STX6: variants seen among roughly 807,000 people sequenced by gnomAD.
STX6 encodes syntaxin 6.
STX6 carries 23 observed loss-of-function variants against 38.0 expected under a neutral mutation model. The observed-to-expected ratio is 0.60, with a 90% CI of 0.43 to 0.86. STX6 has a LOEUF of 0.86. Among genes scored for constraint, STX6 ranks in the 40% least tolerant of loss-of-function variants. STX6 has a pLI of 0.00. For missense variants in STX6, 274 were observed against 312.9 expected, an observed-to-expected ratio of 0.88 and a Z score of 0.94; for synonymous variants, 123 against 107.5, an observed-to-expected ratio of 1.14 and a Z score of -0.89.
intron 1 of STX6, among the ~76,000 whole-genome samples, chr1:181,019,353 G>A (rs370039164): frequency 0.019 from 1,971 of 104,690 alleles, 48 homozygotes; most frequent in African/African-American, 0.064. Context: ...AAATACAGAG[G>A]AAAAAAAAAA....
intron 1 of STX6, among the ~76,000 whole-genome samples, chr1:181,009,470 CAAA>C (rs34469966): frequency 1.3e-4 from 14 of 105,414 alleles, no homozygotes; most frequent in Non-Finnish European, 1.9e-4. Flanking sequence ...CTGTTGTTTC[CAAA>C]AAAAAAAAAA....
intron 1 of STX6, 127 bp from the exon 2 acceptor site, chr1:181,005,590 CTTCACAG>C: frequency 1.2e-6 from 1 of 821,624 alleles, no homozygotes; most frequent in South Asian, 2.2e-5. Flanking sequence ...ACAGAAGGCT[CTTCACAG>C]ACAAATATCA....
chr1:180,999,812 A>C (rs1571341261), intron 3 of STX6, among the ~76,000 whole-genome samples: 1 of 151,158 alleles, frequency 6.6e-6, no homozygotes, highest in East Asian at 1.9e-4. Flanking sequence ...TAACAGAAGA[A>C]CTAACATAAA....
intron 1 of STX6, among the ~76,000 whole-genome samples, chr1:181,013,041 G>A (rs915531391): frequency 6.6e-6 from 1 of 151,620 alleles, no homozygotes; most frequent in African/African-American, 2.4e-5. Flanking sequence ...TTTGAAGTTA[G>A]CCCAACATTG....
At chr1:180,999,787 G>A (rs1275764915) in intron 3 of STX6, among the ~76,000 whole-genome samples, 1 of 151,950 alleles carries the variant, frequency 6.6e-6, no homozygotes, top group Non-Finnish European at 1.5e-5. Context: ...TTAAATGAAA[G>A]CCCACTAGTA....
intron 7 of STX6, among the ~76,000 whole-genome samples, chr1:180,977,491 C>T (rs1655289012): frequency 6.6e-6 from 1 of 152,204 alleles, no homozygotes. Flanking sequence ...GTGCAATACC[C>T]AAACCTAGGG....
chr1:181,011,487 A>G (rs1166327644), intron 1 of STX6, among the ~76,000 whole-genome samples: 1 of 152,236 alleles, frequency 6.6e-6, no homozygotes, highest in East Asian at 1.9e-4. Context: ...TTTCTAAAGC[A>G]TGTGGGATTT....
At chr1:180,994,495 G>A (rs770959146) in intron 3 of STX6, among the ~76,000 whole-genome samples, 5 of 152,236 alleles carry the variant, frequency 3.3e-5, no homozygotes, top group East Asian at 1.9e-4. Flanking sequence ...ACATGCCTGA[G>A]TCAGTCACGT....
intron 1 of STX6, among the ~76,000 whole-genome samples, chr1:181,005,939 A>G (rs1194412605): frequency 6.6e-6 from 1 of 152,196 alleles, no homozygotes; most frequent in Non-Finnish European, 1.5e-5. Flanking sequence ...CCATTTTATT[A>G]TAGGTTAAGT....
chr1:181,010,216 T>G (rs1391247191), intron 1 of STX6, among the ~76,000 whole-genome samples: 4 of 152,152 alleles, frequency 2.6e-5, no homozygotes, highest in Admixed American at 1.3e-4. Flanking sequence ...CTTTTTATTG[T>G]AGGTAAATTA....
intron 1 of STX6, among the ~76,000 whole-genome samples, chr1:181,011,188 A>C (rs566224299): frequency 1.3e-5 from 2 of 152,350 alleles, no homozygotes; most frequent in South Asian, 4.1e-4. Context: ...AGACATAAGA[A>C]AGGTAAACTA....
At chr1:181,000,951 C>G (rs897326796) in intron 3 of STX6, among the ~76,000 whole-genome samples, 3 of 148,108 alleles carry the variant, frequency 2.0e-5, no homozygotes, top group Non-Finnish European at 3.0e-5. Context: ...CACCTAACAA[C>G]AAGGCTTCCT....
intron 2 of STX6, among the ~76,000 whole-genome samples, chr1:181,004,616 A>G (rs985301243): frequency 1.3e-5 from 2 of 152,206 alleles, no homozygotes; most frequent in Non-Finnish European, 2.9e-5. Flanking sequence ...CTTTTCTCCC[A>G]TACCTTGCAT....
intron 7 of STX6, among the ~76,000 whole-genome samples, chr1:180,978,495 C>T (rs1040800586): frequency 6.6e-6 from 1 of 152,232 alleles, no homozygotes; most frequent in East Asian, 1.9e-4. Context: ...AGGGGACCCC[C>T]ACACTTCTGT....
chr1:181,019,363 A>AG (rs1187644289), intron 1 of STX6, among the ~76,000 whole-genome samples: 1 of 152,224 alleles, frequency 6.6e-6, no homozygotes, highest in Non-Finnish European at 1.5e-5. Flanking sequence ...GAAAAAAAAA[A>AG]AAAAAACAGT....
intron 4 of STX6, among the ~76,000 whole-genome samples, chr1:180,992,113 A>G (rs1427348461): frequency 6.6e-6 from 1 of 152,102 alleles, no homozygotes; most frequent in Non-Finnish European, 1.5e-5. Context: ...GCAAATGAGA[A>G]GAGAACTCCA....
In STX6 at chr1:180,973,701, A is replaced by T. The variant is rs866797722; in HGVS notation, c.*2869T>A. 6.5e-6 allele frequency: 1 copy of T among 152,702 alleles called. No homozygotes were observed. Among genetic ancestry groups the T allele is most frequent in the African/African-American group, 2.4e-5 (1 of 41,468 alleles). 9.5% of individuals were successfully genotyped at this position (152,702 alleles called of 1,614,324 possible). ...CCACACAGTCCAGGGCATATAGAGCATTGTGATTCTTCACAGTCCGCAGAG... is the reference window on the plus strand; with the variant it reads ...CCACACAGTCCAGGGCATATAGAGCTTTGTGATTCTTCACAGTCCGCAGAG... On this transcript the variant is annotated 3_prime_UTR_variant, in exon 8 of 8. Coordinates refer to ENST00000258301, the MANE Select transcript of STX6 (RefSeq NM_005819.6).
At position 181,013,095 on chromosome 1, in the gene STX6, T is replaced by C. The variant is rs546242461; in HGVS notation, c.36-7632A>G. 2.3e-3 allele frequency among the ~76,000 whole-genome samples: 349 copies of C among 151,108 alleles called. 2 individuals carry two copies. The highest frequency in any genetic ancestry group is 4.3e-3 in the Non-Finnish European group (291 of 67,932). On this transcript the variant is annotated intron_variant, in intron 1 of 7. Coordinates refer to ENST00000258301, the MANE Select transcript of STX6 (RefSeq NM_005819.6). ...GAGCCTCTTCCATACAACCTCCCAATATGGTACATCACCAAACTAGCCTCT... is the reference window on the plus strand; with the variant it reads ...GAGCCTCTTCCATACAACCTCCCAACATGGTACATCACCAAACTAGCCTCT...
intron 2 of STX6, among the ~76,000 whole-genome samples, chr1:181,003,348 C>T (rs1656136760): frequency 6.6e-6 from 1 of 152,174 alleles, no homozygotes; most frequent in Admixed American, 6.5e-5. Flanking sequence ...CTGTAACCAA[C>T]AAAATGCCTG....
Sources: allele counts gnomAD v4.1 joint callset (sites outside exome capture counted in the v4.1 genomes callset), GRCh38; gene constraint gnomAD v4.1.1; transcripts MANE v1.5; gene names NCBI Gene and HGNC (gene_info 2026-07-23, HGNC 2026-07-21).